Variants in TUBA1A observed in about 807,000 individuals in gnomAD.
The protein encoded by TUBA1A is tubulin alpha 1a.
Under a neutral mutation model 34.6 loss-of-function variants are expected in TUBA1A, and 7 were observed. That is an observed-to-expected ratio of 0.20 (90% confidence interval 0.11 to 0.38). TUBA1A has a LOEUF of 0.38. Ranked by LOEUF, TUBA1A falls within the 10% of genes least tolerant of loss-of-function variation. The pLI, the probability that TUBA1A is intolerant of heterozygous loss-of-function variation, is 1.00. For synonymous variants in TUBA1A, 193 were observed against 210.2 expected (o/e 0.92, Z 0.71); for missense variants, 19 against 581.3 (o/e 0.03, Z 9.95).
rs1942208946 is a variant in TUBA1A at position 49,188,369 on chromosome 12, C to T, written c.3+608G>A. 3 of 1,535,438 alleles carry T rather than the reference C, an allele frequency of 2.0e-6. No individual in the cohort carries two copies. Among genetic ancestry groups the T allele is most frequent in the East Asian group, 4.9e-5 (2 of 40,870 alleles). On this transcript the variant is annotated intron_variant, in intron 1 of 3. Coordinates refer to ENST00000301071, the MANE Select transcript of TUBA1A (RefSeq NM_006009.4). The surrounding 1 kb of genome is among the most constrained non-coding windows in gnomAD (Gnocchi z 4.9). ...GAAGCCAGAAACAAACAACCCCGCC[C>T]CTGCGCCGCCCTGACACCCGCTGCC...
In TUBA1A at chr12:49,188,066, G is replaced by T. The variant is rs1942204080; in HGVS notation, c.3+911C>A. On this transcript the variant is annotated intron_variant, in intron 1 of 3. Transcript: ENST00000301071. The surrounding 1 kb of genome is among the most constrained non-coding windows in gnomAD (Gnocchi z 4.9). ...CACACACTTCAGTCGGTCAGGGCAG[G>T]GCGTCCCACAGACACACACACACAC... 1.1e-6 allele frequency: 1 copy of T among 916,670 alleles called. No homozygotes were observed. The highest frequency in any genetic ancestry group is 1.3e-6 in the Non-Finnish European group (1 of 796,084). 56.8% of individuals were successfully genotyped at this position (916,670 alleles called of 1,614,324 possible). A position where few individuals can be genotyped will look rare whatever the true frequency, so the allele number is the denominator to read the frequency against.
chr12:49,188,968 G>T lies in TUBA1A; in HGVS notation c.3+9C>A, dbSNP rs1592261624. 3.1e-6 allele frequency: 5 copies of T among 1,614,252 alleles called. No individual in the cohort carries two copies. The highest frequency in any genetic ancestry group is 1.3e-5 in the African/African-American group (1 of 75,082). ...CCAACGGCCACAAAGAGCCGAAGCCGATTCTCACCATGGTTGCTGCTTCGC... is the reference window on the plus strand; with the variant it reads ...CCAACGGCCACAAAGAGCCGAAGCCTATTCTCACCATGGTTGCTGCTTCGC... On this transcript the variant is annotated intron_variant, in intron 1 of 3. Coordinates refer to ENST00000301071, the MANE Select transcript of TUBA1A (RefSeq NM_006009.4). This position sits in a 1 kb window ranked among gnomAD's most constrained non-coding sequence, Gnocchi z 4.9.
In TUBA1A at chr12:49,188,691, T is replaced by C. The variant is rs997813411; in HGVS notation, c.3+286A>G. 16 of 1,438,180 alleles carry C rather than the reference T, an allele frequency of 1.1e-5. No individual in the cohort carries two copies. Among genetic ancestry groups the C allele is most frequent in the Non-Finnish European group, 1.5e-5 (16 of 1,103,304 alleles). 89.1% of individuals were successfully genotyped at this position (1,438,180 alleles called of 1,614,324 possible). A position where few individuals can be genotyped will look rare whatever the true frequency, so the allele number is the denominator to read the frequency against. On this transcript the variant is annotated intron_variant, in intron 1 of 3. Coordinates refer to ENST00000301071, the MANE Select transcript of TUBA1A (RefSeq NM_006009.4). The surrounding 1 kb of genome is among the most constrained non-coding windows in gnomAD (Gnocchi z 4.9). Reference sequence around the variant, plus strand: ...GACCCCTCGGTCGCGGCAGACGGGCTGCCCGCGGCCCCCGAAAGTCTCTCG... The same window carrying C: ...GACCCCTCGGTCGCGGCAGACGGGCCGCCCGCGGCCCCCGAAAGTCTCTCG...
Position 49,189,056 on chromosome 12 carries a change from A to C in TUBA1A, c.-77T>G. 2 of 1,600,430 alleles carry C rather than the reference A, an allele frequency of 1.2e-6. No individual in the cohort carries two copies. The highest frequency in any genetic ancestry group is 1.7e-6 in the Non-Finnish European group (2 of 1,167,636). On this transcript the variant is annotated 5_prime_UTR_variant, in exon 1 of 4. Transcript: ENST00000301071. ...TGTTGCTTCTTACAGCGCGACTCTT[A>C]GGCGGTCGATGTAAGAGAACCTGCG...
Position 49,186,472 on chromosome 12 carries a change from T to TG in TUBA1A, c.227-15dup. ...TGCGAACTTCATCTGGAGAACATGA[T>TG]GGGGGAGGAGCAGGGGGGAGGAGGA... On this transcript the variant is annotated splice_polypyrimidine_tract_variant and intron_variant, in intron 2 of 3. Coordinates refer to ENST00000301071, the MANE Select transcript of TUBA1A (RefSeq NM_006009.4). This position sits in a 1 kb window ranked among gnomAD's most constrained non-coding sequence, Gnocchi z 6.6. The TG allele has an allele frequency of 1.6e-6, 2 of 1,249,774 alleles. No individual in the cohort carries two copies. Among genetic ancestry groups the TG allele is most frequent in the Non-Finnish European group, 2.1e-6 (2 of 970,190 alleles). The allele number at this position is 1,249,774 out of a possible 1,614,324, so 77.4% of individuals were successfully genotyped here. A position where few individuals can be genotyped will look rare whatever the true frequency, so the allele number is the denominator to read the frequency against.
intron 1 of TUBA1A, chr12:49,187,154 A>G: frequency 8.1e-7 from 1 of 1,227,856 alleles, no homozygotes; most frequent in Non-Finnish European, 1.0e-6. Context: ...AAAATGAAGT[A>G]AATCCAATTA....
At chr12:49,187,921 G>T (rs1942200822) in intron 1 of TUBA1A, 2 of 960,290 alleles carry the variant, frequency 2.1e-6, no homozygotes, top group African/African-American at 3.8e-5. Context: ...GCGGGGGGGC[G>T]GCGGGGAAGG....
At chr12:49,187,091 T>C (rs918855261) in intron 1 of TUBA1A, 4 of 1,356,982 alleles carry the variant, frequency 2.9e-6, no homozygotes, top group Non-Finnish European at 3.8e-6. Context: ...CATGCTTGAA[T>C]AGAAGATTTT....
Position 49,188,384 on chromosome 12 carries a change from C to T in TUBA1A, c.3+593G>A, listed in dbSNP as rs772573158. On this transcript the variant is annotated intron_variant, in intron 1 of 3. Coordinates refer to ENST00000301071, the MANE Select transcript of TUBA1A (RefSeq NM_006009.4). The surrounding 1 kb of genome is among the most constrained non-coding windows in gnomAD (Gnocchi z 4.9). ...CAACCCCGCCCCTGCGCCGCCCTGACACCCGCTGCCGGGGGCTCCGGCAGA... is the reference window on the plus strand; with the variant it reads ...CAACCCCGCCCCTGCGCCGCCCTGATACCCGCTGCCGGGGGCTCCGGCAGA... 14 of 1,535,696 alleles carry T rather than the reference C, an allele frequency of 9.1e-6. No individual in the cohort carries two copies. In the South Asian group the frequency reaches 1.7e-4, roughly 18 times the overall value.
rs1275832621 is a variant in TUBA1A, at chr12:49,188,462, AC to A, written c.3+514del. 1 of 1,535,406 alleles carries A rather than the reference AC, an allele frequency of 6.5e-7. No individual in the cohort carries two copies. Among genetic ancestry groups the A allele is most frequent in the Non-Finnish European group, 8.7e-7 (1 of 1,146,560 alleles). ...TGGGTATCTTTCCAAAACGCCAAAG[AC>A]CGCGGAGGGTCTTCCCACGCTAACC... On this transcript the variant is annotated intron_variant, in intron 1 of 3. Coordinates refer to ENST00000301071, the MANE Select transcript of TUBA1A (RefSeq NM_006009.4). The surrounding 1 kb of genome is among the most constrained non-coding windows in gnomAD (Gnocchi z 4.9).
At chr12:49,187,596 C>CT (rs36182571) in intron 1 of TUBA1A, 288,012 of 944,296 alleles carry the variant, frequency 0.31, 25,281 homozygotes, top group East Asian at 0.62. Context: ...AATTTCATTA[C>CT]TTTTTTTTTT....
rs1942220511 is a variant in TUBA1A, at chr12:49,189,025, A to G, written c.-46T>C. The G allele has an allele frequency of 1.2e-6, 2 of 1,613,590 alleles. No individual in the cohort carries two copies. Among genetic ancestry groups the G allele is most frequent in the Non-Finnish European group, 1.7e-6 (2 of 1,179,532 alleles). On this transcript the variant is annotated 5_prime_UTR_variant, in exon 1 of 4. Coordinates refer to ENST00000301071, the MANE Select transcript of TUBA1A (RefSeq NM_006009.4). ...CGAGCTGATGGCGGAGACGAAGAGG[A>G]GAGGTTGTTGCTTCTTACAGCGCGA...
Position 49,188,188 on chromosome 12 carries a change from GA to G in TUBA1A, c.3+788del, listed in dbSNP as rs375304653. On this transcript the variant is annotated intron_variant, in intron 1 of 3. Transcript: ENST00000301071. The surrounding 1 kb of genome is among the most constrained non-coding windows in gnomAD (Gnocchi z 4.9). ...TGAAGTGAATTATGATTTTGCTCAA[GA>G]AAAAAAAAAGTCATCTAACTTATAA... The G allele has an allele frequency of 4.0e-4, 384 of 955,168 alleles. 4 individuals carry two copies. In the South Asian group the frequency reaches 4.5e-3, roughly 11 times the overall value. 59.2% of individuals were successfully genotyped at this position (955,168 alleles called of 1,614,324 possible).
rs1233384084 is a variant in TUBA1A at position 49,187,182 on chromosome 12, A to AT, written c.4-350dup. 2.6e-6 allele frequency: 3 copies of AT among 1,170,032 alleles called. No individual in the cohort carries two copies. The African/African-American group carries it at 4.8e-5, about 19-fold the overall frequency. 72.5% of individuals were successfully genotyped at this position (1,170,032 alleles called of 1,614,324 possible). A position where few individuals can be genotyped will look rare whatever the true frequency, so the allele number is the denominator to read the frequency against. On this transcript the variant is annotated intron_variant, in intron 1 of 3. Coordinates refer to ENST00000301071, the MANE Select transcript of TUBA1A (RefSeq NM_006009.4). The stretch of plus-strand genomic sequence containing the variant: ...TCCAATTATGACTTAATTGGGATTA[A>AT]TTTTACTGCTTTCTTCCCTTTTAAA...
Position 49,188,112 on chromosome 12 carries a change from A to ACC in TUBA1A, c.3+864_3+865insGG, listed in dbSNP as rs1400227040. 13 of 980,608 alleles carry ACC rather than the reference A, an allele frequency of 1.3e-5. No individual in the cohort carries two copies. Among genetic ancestry groups the ACC allele is most frequent in the Non-Finnish European group, 1.6e-5 (13 of 828,660 alleles). The allele number at this position is 980,608 out of a possible 1,614,324, so 60.7% of individuals were successfully genotyped here. Reference sequence around the variant, plus strand: ...CACACACACACACACACACACACACACTTCAGTCGGTCAGGGCAGGGCGTC... The same window carrying ACC: ...CACACACACACACACACACACACACACCCTTCAGTCGGTCAGGGCAGGGCGTC... On this transcript the variant is annotated intron_variant, in intron 1 of 3. Transcript: ENST00000301071. The surrounding 1 kb of genome is among the most constrained non-coding windows in gnomAD (Gnocchi z 4.9).
Position 49,188,174 on chromosome 12 carries a change from A to C in TUBA1A, c.3+803T>G. ...CATTAAAGAGCTTGTGAAGTGAATT[A>C]TGATTTTGCTCAAGAAAAAAAAAAG... On this transcript the variant is annotated intron_variant, in intron 1 of 3. Coordinates refer to ENST00000301071, the MANE Select transcript of TUBA1A (RefSeq NM_006009.4). This position sits in a 1 kb window ranked among gnomAD's most constrained non-coding sequence, Gnocchi z 4.9. The C allele has an allele frequency of 1.0e-6, 1 of 985,088 alleles. No individual in the cohort carries two copies. The highest frequency in any genetic ancestry group is 1.2e-6 in the Non-Finnish European group (1 of 829,880). 61.0% of individuals were successfully genotyped at this position (985,088 alleles called of 1,614,324 possible). A position where few individuals can be genotyped will look rare whatever the true frequency, so the allele number is the denominator to read the frequency against.
rs1389463631 is a variant in TUBA1A at position 49,186,195 on chromosome 12, C to T, written c.375+115G>A. On this transcript the variant is annotated intron_variant, in intron 3 of 3. Coordinates refer to ENST00000301071, the MANE Select transcript of TUBA1A (RefSeq NM_006009.4). This position sits in a 1 kb window ranked among gnomAD's most constrained non-coding sequence, Gnocchi z 6.6. ...AATTTTAAAAACCCCAAAAGAATGA[C>T]TCATTCCACTCTTTATTAAAATAAC... 3 of 1,599,064 alleles carry T rather than the reference C, an allele frequency of 1.9e-6. No individual in the cohort carries two copies. The highest frequency in any genetic ancestry group is 2.2e-5 in the South Asian group (2 of 89,972).
chr12:49,187,021 G>A (rs530764774), intron 1 of TUBA1A, 188 bp from the exon 2 acceptor site: 11 of 1,462,166 alleles, frequency 7.5e-6, no homozygotes, highest in South Asian at 4.4e-5. Flanking sequence ...GGTGTGGTCT[G>A]AATAATGATG....
At position 49,188,670 on chromosome 12, in the gene TUBA1A, C is replaced by T; in HGVS notation, c.3+307G>A. ...GGGCCCAGCCGGGACGCCCCAGACC[C>T]CTCGGTCGCGGCAGACGGGCTGCCC... On this transcript the variant is annotated intron_variant, in intron 1 of 3. Transcript: ENST00000301071. The surrounding 1 kb of genome is among the most constrained non-coding windows in gnomAD (Gnocchi z 4.9). 7.0e-7 allele frequency: 1 copy of T among 1,438,188 alleles called. No individual in the cohort carries two copies. Among genetic ancestry groups the T allele is most frequent in the Admixed American group, 2.9e-5 (1 of 35,070 alleles). 89.1% of individuals were successfully genotyped at this position (1,438,188 alleles called of 1,614,324 possible).
Sources: gnomAD v4.1 joint callset for allele counts on GRCh38, gnomAD v4.1.1 for gene constraint, Gnocchi (gnomAD v3.1) non-coding constraint, MANE v1.5 for transcripts, NCBI Gene and HGNC (gene_info 2026-07-23, HGNC 2026-07-21) for gene names.